The following ANKRD17 variants were observed in gnomAD, a reference collection of about 807,000 sequenced individuals.
ANKRD17 encodes ankyrin repeat domain 17.
In ANKRD17, 19 loss-of-function variants were observed where a neutral mutation model predicts 229.7. The observed-to-expected ratio is 0.08, with a 90% CI of 0.06 to 0.12. The LOEUF is 0.12. Among genes scored for constraint, ANKRD17 ranks in the 10% least tolerant of loss-of-function variants. The pLI, the probability that ANKRD17 is intolerant of heterozygous loss-of-function variation, is 1.00. For missense variants in ANKRD17, 2,176 were observed against 3,176.8 expected, an observed-to-expected ratio of 0.68 and a Z score of 7.57; for synonymous variants, 1,112 against 1,146.1, an observed-to-expected ratio of 0.97 and a Z score of 0.60.
Position 73,085,303 on chromosome 4 carries a change from T to C in ANKRD17, c.7105A>G (p.Arg2369Gly). 6.2e-7 allele frequency: 1 copy of C among 1,614,160 alleles called. No homozygotes were observed. Among genetic ancestry groups the C allele is most frequent in the Non-Finnish European group, 8.5e-7 (1 of 1,180,016 alleles). ...GGAPAAANFNRQHFSPLSLLT... is the reference protein window; with the variant it reads ...GGAPAAANFNGQHFSPLSLLT... The stretch of plus-strand genomic sequence containing the variant: ...AAACTAAGCGGGGAAAAATGTTGTC[T>C]GTTAAAGTTAGCAGCTGCGGGTGCT... The change falls in exon 30 of 34, where the codon AGA becomes GGA. Residue 2369 changes from arginine (R) to glycine (G), a missense_variant. By Grantham distance (125) the Arg-to-Gly change is moderately radical. Coordinates refer to ENST00000358602, the MANE Select transcript of ANKRD17 (RefSeq NM_032217.5).
chr4:73,159,199 C>G (rs1358115407), intron 3 of ANKRD17, among the ~76,000 whole-genome samples: 1 of 152,228 alleles, frequency 6.6e-6, no homozygotes, highest in Non-Finnish European at 1.5e-5. Context: ...AGGACACTGA[C>G]AGTCCCTAGA....
At chr4:73,174,259 G>A (rs528355626) in intron 2 of ANKRD17, among the ~76,000 whole-genome samples, 3 of 152,238 alleles carry the variant, frequency 2.0e-5, no homozygotes, top group Admixed American at 2.0e-4. Context: ...TTCACACCAG[G>A]AATGCAGAGA....
Position 73,139,997 on chromosome 4 carries a change from T to C in ANKRD17, c.2619A>G (p.Glu873=). The C allele has an allele frequency of 1.2e-6, 2 of 1,614,228 alleles. No individual in the cohort carries two copies. The highest frequency in any genetic ancestry group is 8.5e-7 in the Non-Finnish European group (1 of 1,180,040). Residue 873 remains glutamate (E), a synonymous_variant, in exon 15 of 34, where the codon GAA becomes GAG. Coordinates refer to ENST00000358602, the MANE Select transcript of ANKRD17 (RefSeq NM_032217.5). ...GCTGAGTTTTCAGTTGTAACTCTCGTTCTACTTTCTGTAGTTCCTCCAAAA... is the reference window on the plus strand; with the variant it reads ...GCTGAGTTTTCAGTTGTAACTCTCGCTCTACTTTCTGTAGTTCCTCCAAAA... ...QKILEELQKV[E]RELQLKTQQQ...
rs777981022 is a variant in ANKRD17, at chr4:73,153,867, G to T, written c.1234+13C>A. The T allele has an allele frequency of 4.3e-5, 65 of 1,518,726 alleles. No individual in the cohort carries two copies. The highest frequency in any genetic ancestry group is 5.5e-5 in the Non-Finnish European group (62 of 1,132,466). The allele number at this position is 1,518,726 out of a possible 1,614,324, so 94.1% of individuals were successfully genotyped here. ...ATTTAAAAACTTTGTTTTAAGAAAG[G>T]TTTATACTGTACCTTTGTAACAAGC... On this transcript the variant is annotated intron_variant, in intron 6 of 33. Coordinates refer to ENST00000358602, the MANE Select transcript of ANKRD17 (RefSeq NM_032217.5).
intron 1 of ANKRD17, chr4:73,223,059 C>T (rs908008782): frequency 1.3e-6 from 2 of 1,535,476 alleles, no homozygotes; most frequent in South Asian, 1.2e-5. Context: ...TCTTACTGCA[C>T]TATGATTAGA....
At chr4:73,126,505 T>C (rs540761046) in intron 16 of ANKRD17, among the ~76,000 whole-genome samples, 1 of 152,280 alleles carries the variant, frequency 6.6e-6, no homozygotes, top group Non-Finnish European at 1.5e-5. Flanking sequence ...CTTAGCTGTA[T>C]TTGAGAACAA....
chr4:73,234,235 G>C (rs1743314018), intron 1 of ANKRD17, among the ~76,000 whole-genome samples: 1 of 152,090 alleles, frequency 6.6e-6, no homozygotes, highest in African/African-American at 2.4e-5. Context: ...GATTCATGCT[G>C]AAATTTTATC....
Position 73,074,106 on chromosome 4 carries a change from C to A in ANKRD17, c.*2125G>T, listed in dbSNP as rs1720865879. ...GTATTGTACTAAACAAGCCTGATCC[C>A]CAAGACTAAATACGGAGCATTTCAA... On this transcript the variant is annotated 3_prime_UTR_variant, in exon 34 of 34. Coordinates refer to ENST00000358602, the MANE Select transcript of ANKRD17 (RefSeq NM_032217.5). The A allele has an allele frequency of 6.6e-6, 1 of 151,892 alleles. No individual in the cohort carries two copies. Among genetic ancestry groups the A allele is most frequent in the Non-Finnish European group, 1.5e-5 (1 of 67,866 alleles). 9.4% of individuals were successfully genotyped at this position (151,892 alleles called of 1,614,324 possible).
At position 73,115,934 on chromosome 4, in the gene ANKRD17, AT is replaced by A; in HGVS notation, c.4189-19del. The stretch of plus-strand genomic sequence containing the variant: ...ACATGACCCTAAAAAATAGATATCA[AT>A]GTCAGATTGAAAACAGACTCTAACA... On this transcript the variant is annotated intron_variant, in intron 22 of 33. Coordinates refer to ENST00000358602, the MANE Select transcript of ANKRD17 (RefSeq NM_032217.5). 1 of 1,604,866 alleles carries A rather than the reference AT, an allele frequency of 6.2e-7. No individual in the cohort carries two copies. The highest frequency in any genetic ancestry group is 8.5e-7 in the Non-Finnish European group (1 of 1,172,426).
intron 25 of ANKRD17, chr4:73,101,073 A>G: frequency 3.5e-6 from 3 of 854,324 alleles, no homozygotes; most frequent in Non-Finnish European, 4.2e-6. Context: ...TTTAAAGTAT[A>G]TGGGAGAATG....
intron 2 of ANKRD17, among the ~76,000 whole-genome samples, chr4:73,165,722 C>G (rs201035589): frequency 6.6e-6 from 1 of 152,158 alleles, no homozygotes; most frequent in Non-Finnish European, 1.5e-5. Flanking sequence ...GCAGAGATTT[C>G]TTTGGCTGGT....
intron 24 of ANKRD17, among the ~76,000 whole-genome samples, chr4:73,104,466 A>G (rs1724376227): frequency 6.6e-6 from 1 of 152,178 alleles, no homozygotes; most frequent in Non-Finnish European, 1.5e-5. Context: ...GGAGGAGTGA[A>G]AGCAAAGGTG....
intron 1 of ANKRD17, among the ~76,000 whole-genome samples, chr4:73,179,953 GT>G (rs1735325137): frequency 6.6e-6 from 1 of 151,722 alleles, no homozygotes; most frequent in Non-Finnish European, 1.5e-5. Flanking sequence ...AGAAAAAGCT[GT>G]TTCCTAATGA....
Position 73,178,349 on chromosome 4 carries a change from A to C in ANKRD17, c.394-816T>G, listed in dbSNP as rs910916996. 6.6e-5 allele frequency among the ~76,000 whole-genome samples: 10 copies of C among 152,340 alleles called. No individual in the cohort carries two copies. The East Asian group carries it at 1.9e-3, about 29-fold the overall frequency. On this transcript the variant is annotated intron_variant, in intron 1 of 33. Coordinates refer to ENST00000358602, the MANE Select transcript of ANKRD17 (RefSeq NM_032217.5). ...AACACTATACTTTTTATATGCAGCA[A>C]AAGTGCTTTATGTGTACTTCCCATT...
intron 1 of ANKRD17, among the ~76,000 whole-genome samples, chr4:73,203,626 C>A (rs1376239834): frequency 6.6e-6 from 1 of 151,676 alleles, no homozygotes; most frequent in African/African-American, 2.4e-5. Flanking sequence ...GGCTTGGTGG[C>A]TGATGCCTGT....
chr4:73,232,679 G>A (rs895666872), intron 1 of ANKRD17, among the ~76,000 whole-genome samples: 1 of 152,010 alleles, frequency 6.6e-6, no homozygotes, highest in Non-Finnish European at 1.5e-5. Context: ...TTCATAAAGA[G>A]CAGTATTAAA....
At chr4:73,127,980 G>A (rs1297404008) in intron 16 of ANKRD17, among the ~76,000 whole-genome samples, 1 of 152,228 alleles carries the variant, frequency 6.6e-6, no homozygotes, top group African/African-American at 2.4e-5. Flanking sequence ...CTGCAGAAGA[G>A]GCTGGCAGAG....
chr4:73,219,724 A>G (rs1200837531), intron 1 of ANKRD17, among the ~76,000 whole-genome samples: 1 of 152,184 alleles, frequency 6.6e-6, no homozygotes, highest in Non-Finnish European at 1.5e-5. Context: ...TCAAGTACAG[A>G]TGAAGCTGGA....
intron 32 of ANKRD17, 75 bp from the exon 33 acceptor site, chr4:73,077,179 ATTGATAT>A (rs1459804758): frequency 1.4e-6 from 2 of 1,443,328 alleles, no homozygotes; most frequent in East Asian, 4.8e-5. Context: ...TAGCCTTAAA[ATTGATAT>A]TTGAAAGTTC....
Sources: gnomAD v4.1 joint callset for allele counts (sites outside exome capture counted in the v4.1 genomes callset) on GRCh38, gnomAD v4.1.1 for gene constraint, MANE v1.5 for transcripts, NCBI Gene and HGNC (gene_info 2026-07-23, HGNC 2026-07-21) for gene names.